The following MYO5A variants were observed in gnomAD, a reference collection of about 807,000 sequenced individuals.
MYO5A encodes unconventional myosin-Va.
A neutral mutation model predicts 249.7 loss-of-function variants in MYO5A; 98 were observed. The ratio of observed to expected loss-of-function variants is 0.39; its 90% CI spans 0.33 to 0.46. The LOEUF is 0.46. Ranked by LOEUF, MYO5A falls within the 20% of genes least tolerant of loss-of-function variation. The pLI is 0.98. For synonymous variants in MYO5A, 778 were observed against 810.6 expected (o/e 0.96, Z 0.68); for missense variants, 1,696 against 2,308.8 (o/e 0.73, Z 5.44).
At chr15:52,524,327 G>A (rs2077687306) in intron 1 of MYO5A, among the ~76,000 whole-genome samples, 1 of 152,146 alleles carries the variant, frequency 6.6e-6, no homozygotes, top group Non-Finnish European at 1.5e-5. Context: ...GCCGAGGCAG[G>A]AGAATCATTT....
chr15:52,368,126 G>A (rs1406154507), intron 22 of MYO5A, among the ~76,000 whole-genome samples: 2 of 152,170 alleles, frequency 1.3e-5, no homozygotes, highest in Non-Finnish European at 2.9e-5. Context: ...GGAGAGAACT[G>A]GCAGGCAAAT....
intron 1 of MYO5A, among the ~76,000 whole-genome samples, chr15:52,466,636 T>C (rs1323889033): frequency 1.3e-5 from 2 of 152,130 alleles, no homozygotes; most frequent in Non-Finnish European, 2.9e-5. Flanking sequence ...ATAACAGTGG[T>C]CAGCCCTAAC....
chr15:52,504,282 C>G (rs555121549), intron 1 of MYO5A, among the ~76,000 whole-genome samples: 2 of 152,126 alleles, frequency 1.3e-5, no homozygotes, highest in African/African-American at 4.8e-5. Context: ...ATCCTTGCCT[C>G]TGTCATGTTC....
chr15:52,478,451 T>C (rs1020938388), intron 1 of MYO5A, among the ~76,000 whole-genome samples: 4 of 152,288 alleles, frequency 2.6e-5, no homozygotes, highest in East Asian at 1.9e-4. Context: ...CCCAGTGAGA[T>C]GAACCCGGTA....
rs2076475164 is a variant in MYO5A at position 52,471,653 on chromosome 15, CTTCT to C, written c.28-38372_28-38369del. ...AAAAAAACAAAAACAAAAAAAGCAA[CTTCT>C]TTCAGGCAGATATCCTTTCTCCTCA... On this transcript the variant is annotated intron_variant, in intron 1 of 41. Coordinates refer to ENST00000399233, the MANE Select transcript of MYO5A (RefSeq NM_001382347.1). 4.0e-5 allele frequency among the ~76,000 whole-genome samples: 6 copies of C among 150,208 alleles called. No individual in the cohort carries two copies. The South Asian group carries it at 1.3e-3, about 32-fold the overall frequency.
intron 1 of MYO5A, among the ~76,000 whole-genome samples, chr15:52,526,414 C>T (rs573427737): frequency 1.8e-3 from 271 of 152,000 alleles, no homozygotes; most frequent in Non-Finnish European, 3.1e-3. Flanking sequence ...GCTCTTGTTG[C>T]CCAGGCTCGC....
In MYO5A at chr15:52,389,383, G is replaced by T; in HGVS notation, c.1543-20C>A. 6.2e-7 allele frequency: 1 copy of T among 1,606,860 alleles called. No homozygotes were observed. The highest frequency in any genetic ancestry group is 1.1e-5 in the South Asian group (1 of 90,478). On this transcript the variant is annotated intron_variant, in intron 12 of 41. Transcript: ENST00000399233. ...AGGCATCTATATTCATGGAAAAAAG[G>T]AAGAAAGAAAACAAGGTAAATACTG...
chr15:52,335,248 G>C (rs576363681), intron 34 of MYO5A, among the ~76,000 whole-genome samples: 3 of 152,098 alleles, frequency 2.0e-5, no homozygotes, highest in African/African-American at 7.2e-5. Flanking sequence ...GGCTGGAAGC[G>C]GTGGCTCACG....
intron 24 of MYO5A, among the ~76,000 whole-genome samples, chr15:52,364,170 G>A (rs930203459): frequency 5.3e-5 from 8 of 151,946 alleles, no homozygotes; most frequent in African/African-American, 9.7e-5. Flanking sequence ...CCTGGGAGGC[G>A]GAGGTTGCAG....
chr15:52,518,384 T>C (rs775715453), intron 1 of MYO5A, among the ~76,000 whole-genome samples: 9 of 151,760 alleles, frequency 5.9e-5, no homozygotes, highest in Non-Finnish European at 1.3e-4. Flanking sequence ...TAAAATGCAA[T>C]AGTAACTCTA....
chr15:52,327,630 C>T (rs1183569536), intron 36 of MYO5A, among the ~76,000 whole-genome samples: 1 of 152,192 alleles, frequency 6.6e-6, no homozygotes, highest in Non-Finnish European at 1.5e-5. Flanking sequence ...TTGCTTGAGC[C>T]TGGGATTGCA....
intron 36 of MYO5A, chr15:52,323,668 A>C (rs1227685213): frequency 2.2e-6 from 1 of 451,254 alleles, no homozygotes; most frequent in Non-Finnish European, 4.1e-6. Context: ...TTTGGCATAG[A>C]AAATTAAACT....
rs371108575 is a variant in MYO5A at position 52,454,398 on chromosome 15, C to T, written c.28-21113G>A. On this transcript the variant is annotated intron_variant, in intron 1 of 41. Transcript: ENST00000399233. ...TTAATAGGTCCAAGAGAGGGATACACTGTAATAAAATAAAAGTCAGAGACT... is the reference window on the plus strand; with the variant it reads ...TTAATAGGTCCAAGAGAGGGATACATTGTAATAAAATAAAAGTCAGAGACT... Among the ~76,000 whole-genome samples, 132 of 152,178 alleles carry T rather than the reference C, an allele frequency of 8.7e-4. 1 individual carries two copies. The highest frequency in any genetic ancestry group is 3.1e-3 in the African/African-American group (127 of 41,546).
At chr15:52,373,911 T>G (rs1485501904) in intron 20 of MYO5A, among the ~76,000 whole-genome samples, 1 of 151,944 alleles carries the variant, frequency 6.6e-6, no homozygotes, top group African/African-American at 2.4e-5. Context: ...CATTCAAGCC[T>G]CACCAGTTTC....
At chr15:52,433,406 A>C in intron 1 of MYO5A, 121 bp from the exon 2 acceptor site, 3 of 478,220 alleles carry the variant, frequency 6.3e-6, no homozygotes, top group Non-Finnish European at 1.1e-5. Context: ...GGCCAACATG[A>C]AATTCACTTT....
At chr15:52,350,269 T>C (rs1170124708) in intron 28 of MYO5A, among the ~76,000 whole-genome samples, 1 of 152,246 alleles carries the variant, frequency 6.6e-6, no homozygotes, top group African/African-American at 2.4e-5. Context: ...CATTTCTCTA[T>C]ATAACTCCAC....
chr15:52,426,118 T>C, intron 3 of MYO5A, 144 bp from the exon 4 acceptor site: 1 of 757,928 alleles, frequency 1.3e-6, no homozygotes, highest in Non-Finnish European at 2.1e-6. Context: ...TGTTCAAGGA[T>C]CAAAATGTAT....
At chr15:52,513,501 T>G (rs1286110378) in intron 1 of MYO5A, among the ~76,000 whole-genome samples, 1 of 149,198 alleles carries the variant, frequency 6.7e-6, no homozygotes, top group Non-Finnish European at 1.5e-5. Flanking sequence ...CTCGGCTCAC[T>G]GCAACCTCTA....
At chr15:52,505,176 T>A in intron 1 of MYO5A, 1 of 755,664 alleles carries the variant, frequency 1.3e-6, no homozygotes, top group Non-Finnish European at 2.5e-6. Flanking sequence ...AACTCTCAGA[T>A]ACAGCCAAAG....
Sources: allele counts gnomAD v4.1 joint callset (sites outside exome capture counted in the v4.1 genomes callset), GRCh38; gene constraint gnomAD v4.1.1; transcripts MANE v1.5; gene names NCBI Gene and HGNC (gene_info 2026-07-23, HGNC 2026-07-21).